PDE11A: variants seen among roughly 807,000 people sequenced by gnomAD.
PDE11A encodes the protein phosphodiesterase 11A.
PDE11A carries 100 observed loss-of-function variants against 100.5 expected under a neutral mutation model. The ratio of observed to expected loss-of-function variants is 1.00; its 90% CI spans 0.85 to 1.18. PDE11A has a LOEUF of 1.18. Ranked by LOEUF, PDE11A falls within the 50% of genes most tolerant of loss-of-function variation. The pLI is 0.00. For synonymous variants in PDE11A, 381 were observed against 420.8 expected (o/e 0.91, Z 1.16); for missense variants, 1,141 against 1,152.6 (o/e 0.99, Z 0.15).
intron 2 of PDE11A, among the ~76,000 whole-genome samples, chr2:177,912,203 C>T (rs1254899224): frequency 6.6e-6 from 1 of 152,116 alleles, no homozygotes; most frequent in Non-Finnish European, 1.5e-5. Flanking sequence ...GTCTAGGCGT[C>T]CTCATCACTC....
chr2:178,092,603 C>CT (rs570664748), intron 2 of PDE11A: 266 of 142,882 alleles, frequency 1.9e-3, no homozygotes, highest in South Asian at 0.014. Context: ...ATATTTCTTT[C>CT]TTTTTTTTTT....
intron 9 of PDE11A, chr2:177,797,365 C>T (rs988011452): frequency 6.6e-6 from 1 of 152,210 alleles, no homozygotes; most frequent in African/African-American, 2.4e-5. Flanking sequence ...CAGCAAGTTC[C>T]TAAACCTTTC....
At chr2:178,020,924 G>GGTGTGTGTGTGTGTGT (rs532087273) in intron 1 of PDE11A, among the ~76,000 whole-genome samples, 1 of 125,740 alleles carries the variant, frequency 8.0e-6, no homozygotes, top group African/African-American at 3.0e-5. Flanking sequence ...TTTTTGTCTT[G>GGTGTGTGTGTGTGTGT]GTGTGTGTGT....
intron 2 of PDE11A, chr2:178,012,010 C>G (rs946555108): frequency 4.6e-5 from 7 of 152,192 alleles, no homozygotes; most frequent in African/African-American, 1.7e-4. Flanking sequence ...TTCTCCTTCA[C>G]CTTTTCTGTT....
At chr2:177,916,179 T>A (rs2084950817) in intron 2 of PDE11A, among the ~76,000 whole-genome samples, 1 of 152,220 alleles carries the variant, frequency 6.6e-6, no homozygotes, top group Non-Finnish European at 1.5e-5. Context: ...GTCTTCTAAC[T>A]GTCCCTTTCT....
chr2:177,869,561 C>T (rs2084091794), intron 5 of PDE11A, among the ~76,000 whole-genome samples: 1 of 152,178 alleles, frequency 6.6e-6, no homozygotes. Context: ...CACATGATTA[C>T]ATCAGACTCA....
At chr2:177,886,481 C>A (rs2084432094) in intron 4 of PDE11A, among the ~76,000 whole-genome samples, 1 of 152,186 alleles carries the variant, frequency 6.6e-6, no homozygotes, top group Non-Finnish European at 1.5e-5. Context: ...GAGTTAAGAT[C>A]TTGGTGAATC....
At chr2:177,899,964 T>C (rs1318458633) in intron 3 of PDE11A, among the ~76,000 whole-genome samples, 1 of 151,944 alleles carries the variant, frequency 6.6e-6, no homozygotes, top group Non-Finnish European at 1.5e-5. Context: ...AAGCTCTAAC[T>C]TGAAAACTGT....
intron 5 of PDE11A, among the ~76,000 whole-genome samples, chr2:177,843,101 T>C (rs534343916): frequency 6.6e-6 from 1 of 152,322 alleles, no homozygotes; most frequent in Admixed American, 6.5e-5. Context: ...TGCCATCTAC[T>C]GTGGGCCAAG....
intron 2 of PDE11A, among the ~76,000 whole-genome samples, chr2:178,090,511 CT>C (rs1176034432): frequency 7.4e-6 from 1 of 135,704 alleles, no homozygotes; most frequent in African/African-American, 2.8e-5. Context: ...ATACTATCTT[CT>C]TTCTACTTCC....
At chr2:177,675,855 TTTAAAC>T (rs2105497776) in intron 16 of PDE11A, 1 of 403,132 alleles carries the variant, frequency 2.5e-6, no homozygotes, top group South Asian at 2.1e-5. Flanking sequence ...GTTGGGTTTT[TTTAAAC>T]TATAAGCAAG....
At position 177,666,592 on chromosome 2, in the gene PDE11A, T is replaced by C. The variant is rs376870473; in HGVS notation, c.2563-2643A>G. On this transcript the variant is annotated intron_variant, in intron 18 of 19. Coordinates refer to ENST00000286063, the MANE Select transcript of PDE11A (RefSeq NM_016953.4). ...TCTGTCTTTTTTGCTATAGCTATCT[T>C]AGTGGCTGTGAAGTGATATCTCATT... Among the ~76,000 whole-genome samples the C allele has an allele frequency of 1.3e-4, 20 of 152,342 alleles. No homozygotes were observed. In the East Asian group the frequency reaches 3.9e-3, roughly 29 times the overall value.
chr2:178,004,786 T>A (rs1420038938), intron 2 of PDE11A, among the ~76,000 whole-genome samples: 1 of 152,140 alleles, frequency 6.6e-6, no homozygotes, highest in Admixed American at 6.6e-5. Context: ...CTTTTCCTCC[T>A]AGATGTGCCA....
Position 177,626,554 on chromosome 2 carries a change from G to C in PDE11A, c.*2853C>G, listed in dbSNP as rs1011304652. The C allele has an allele frequency of 6.5e-6, 1 of 152,706 alleles. No individual in the cohort carries two copies. Among genetic ancestry groups the C allele is most frequent in the African/African-American group, 2.4e-5 (1 of 41,458 alleles). 9.5% of individuals were successfully genotyped at this position (152,706 alleles called of 1,614,324 possible). A position where few individuals can be genotyped will look rare whatever the true frequency, so the allele number is the denominator to read the frequency against. On this transcript the variant is annotated 3_prime_UTR_variant, in exon 20 of 20. Transcript: ENST00000286063. Reference sequence around the variant, plus strand: ...CACCCTTTGTTCCCCACCTGAAGGAGGAGAGACAGCCCTGCAGAAGCTATT... The same window carrying C: ...CACCCTTTGTTCCCCACCTGAAGGACGAGAGACAGCCCTGCAGAAGCTATT...
At chr2:177,999,423 A>C (rs1220416943) in intron 2 of PDE11A, among the ~76,000 whole-genome samples, 1 of 152,230 alleles carries the variant, frequency 6.6e-6, no homozygotes, top group Non-Finnish European at 1.5e-5. Flanking sequence ...CACAAGTATC[A>C]CTGTGATATT....
intron 2 of PDE11A, among the ~76,000 whole-genome samples, chr2:177,979,156 A>G (rs1169992440): frequency 6.7e-6 from 1 of 149,914 alleles, no homozygotes; most frequent in African/African-American, 2.4e-5. Context: ...CCTTTCCCCA[A>G]CCCCTTTGGA....
At chr2:177,695,674 G>A (rs1275404800) in intron 15 of PDE11A, among the ~76,000 whole-genome samples, 1 of 152,100 alleles carries the variant, frequency 6.6e-6, no homozygotes, top group Non-Finnish European at 1.5e-5. Context: ...TTTCTCCAGA[G>A]GATACATTTC....
At chr2:177,946,044 A>G (rs1398019027) in intron 2 of PDE11A, among the ~76,000 whole-genome samples, 1 of 124,934 alleles carries the variant, frequency 8.0e-6, no homozygotes, top group Non-Finnish European at 1.7e-5. Flanking sequence ...CCCGTCCGGG[A>G]GGGAGGTGGG....
rs1482208123 is a variant in PDE11A at position 177,628,552 on chromosome 2, AC to A, written c.*854del. The A allele has an allele frequency of 5.2e-5, 8 of 152,424 alleles. No homozygotes were observed. Among genetic ancestry groups the A allele is most frequent in the African/African-American group, 1.7e-4 (7 of 41,582 alleles). The allele number at this position is 152,424 out of a possible 1,614,324, so 9.4% of individuals were successfully genotyped here. On this transcript the variant is annotated 3_prime_UTR_variant, in exon 20 of 20. Transcript: ENST00000286063. ...TATACCAGAACTCCTCACTAGGAGA[AC>A]TCAAGGTAGTCAATGCTTAGTCTCC...
Sources: allele counts gnomAD v4.1 joint callset (sites outside exome capture counted in the v4.1 genomes callset), GRCh38; gene constraint gnomAD v4.1.1; transcripts MANE v1.5; gene names NCBI Gene and HGNC (gene_info 2026-07-23, HGNC 2026-07-21).